The following IL1RAPL1 variants were observed in gnomAD, a reference collection of about 807,000 sequenced individuals.
IL1RAPL1 encodes interleukin 1 receptor accessory protein like 1.
IL1RAPL1 carries 3 observed loss-of-function variants against 48.4 expected under a neutral mutation model. The observed-to-expected ratio is 0.06, with a 90% CI of 0.03 to 0.16. The LOEUF is 0.16. Among genes scored for constraint, IL1RAPL1 ranks in the 10% least tolerant of loss-of-function variants. IL1RAPL1 has a pLI of 1.00. For missense variants in IL1RAPL1, 349 were observed against 530.6 expected (o/e 0.66, Z 3.36); for synonymous variants, 185 against 187.7 (o/e 0.99, Z 0.12).
intron 6 of IL1RAPL1, among the ~76,000 whole-genome samples, chrX:29,852,427 A>G (rs897903180): frequency 1.8e-5 from 2 of 112,143 alleles, no homozygotes; most frequent in Non-Finnish European, 3.8e-5. Context: ...GGCAGCAGAC[A>G]CTGGAATGAT....
chrX:29,251,293 G>C (rs895714898), intron 2 of IL1RAPL1, among the ~76,000 whole-genome samples: 1 of 111,125 alleles, frequency 9.0e-6, no homozygotes, highest in Non-Finnish European at 1.9e-5. Context: ...AGTGTATTTC[G>C]TGTTTAAGGC....
chrX:29,485,628 A>G (rs1415145360), intron 5 of IL1RAPL1, among the ~76,000 whole-genome samples: 2 of 111,459 alleles, frequency 1.8e-5, no homozygotes, highest in Non-Finnish European at 3.8e-5. Context: ...TGGTGTCCAC[A>G]GTCCTTTCAT....
At chrX:29,427,323 A>G (rs1346391315) in intron 5 of IL1RAPL1, among the ~76,000 whole-genome samples, 1 of 112,306 alleles carries the variant, frequency 8.9e-6, no homozygotes, top group East Asian at 2.8e-4. Flanking sequence ...GGTGTGACAA[A>G]CCCTATTGGT....
rs939865725 is a variant in IL1RAPL1, at chrX:29,288,376, G to A, written c.362+5159G>A. The stretch of plus-strand genomic sequence containing the variant: ...CTCCCTATGTTCATGTGTTCTCATC[G>A]TTCAGTTCCTACTTATAAGCGAGAA... On this transcript the variant is annotated intron_variant, in intron 3 of 10. Transcript: ENST00000378993. Among the ~76,000 whole-genome samples the A allele has an allele frequency of 7.2e-5, 8 of 110,869 alleles. No individual in the cohort carries two copies. The South Asian group carries it at 1.9e-3, about 26-fold the overall frequency.
intron 6 of IL1RAPL1, among the ~76,000 whole-genome samples, chrX:29,749,757 G>A (rs1407433022): frequency 8.9e-6 from 1 of 112,044 alleles, no homozygotes; most frequent in Non-Finnish European, 1.9e-5. Flanking sequence ...AACATCATGT[G>A]CTAATATTAA....
intron 1 of IL1RAPL1, among the ~76,000 whole-genome samples, chrX:28,762,794 A>G (rs1299048624): frequency 6.3e-5 from 4 of 63,268 alleles, no homozygotes; most frequent in East Asian, 5.6e-4. Flanking sequence ...GCGCACACAC[A>G]CACACACACA....
chrX:28,894,925 G>T (rs753972135), intron 2 of IL1RAPL1, among the ~76,000 whole-genome samples: 1 of 110,679 alleles, frequency 9.0e-6, no homozygotes, highest in Admixed American at 9.6e-5. Flanking sequence ...TGCCGAGATA[G>T]GTAACAGATG....
chrX:28,639,523 G>A (rs750168951), intron 1 of IL1RAPL1, among the ~76,000 whole-genome samples: 1 of 111,734 alleles, frequency 8.9e-6, no homozygotes, highest in African/African-American at 3.3e-5. Flanking sequence ...TCCTAAAGAC[G>A]GAAAATAAAA....
Position 28,979,834 on chromosome X carries a change from G to A in IL1RAPL1, c.82+190409G>A, listed in dbSNP as rs191827147. ...ATGCAGTATGTTGATTTTTTAAAAA[G>A]CCTATTAAAAATTTCCAAAGATAAA... On this transcript the variant is annotated intron_variant, in intron 2 of 10. Coordinates refer to ENST00000378993, the MANE Select transcript of IL1RAPL1 (RefSeq NM_014271.4). Among the ~76,000 whole-genome samples, 109 of 111,681 alleles carry A rather than the reference G, an allele frequency of 9.8e-4. No homozygotes were observed. The East Asian group carries it at 0.03, about 31-fold the overall frequency.
At chrX:28,647,661 A>G (rs1934629757) in intron 1 of IL1RAPL1, among the ~76,000 whole-genome samples, 1 of 111,897 alleles carries the variant, frequency 8.9e-6, no homozygotes, top group Admixed American at 9.5e-5. Flanking sequence ...TTCATTGCAT[A>G]GTTTTGAATT....
intron 6 of IL1RAPL1, among the ~76,000 whole-genome samples, chrX:29,806,821 G>A (rs756957302): frequency 1.8e-5 from 2 of 111,491 alleles, no homozygotes; most frequent in Admixed American, 1.9e-4. Flanking sequence ...AATCTCCAGT[G>A]TTGGAGGTGG....
intron 5 of IL1RAPL1, among the ~76,000 whole-genome samples, chrX:29,480,291 C>CATACATATATATAT (rs375536384): frequency 2.6e-5 from 2 of 76,572 alleles, no homozygotes; most frequent in African/African-American, 1.2e-4. Context: ...CACACATATA[C>CATACATATATATAT]ATATATATAT....
intron 5 of IL1RAPL1, among the ~76,000 whole-genome samples, chrX:29,605,473 G>A (rs2147064596): frequency 9.1e-6 from 1 of 109,949 alleles, no homozygotes; most frequent in African/African-American, 3.3e-5. Flanking sequence ...TTTTTAATGT[G>A]CTTGTTTGGT....
intron 5 of IL1RAPL1, among the ~76,000 whole-genome samples, chrX:29,569,469 TGA>T (rs1922520443): frequency 9.0e-6 from 1 of 111,329 alleles, no homozygotes. Context: ...TTATATTTTT[TGA>T]GTGTTCGTTT....
intron 2 of IL1RAPL1, among the ~76,000 whole-genome samples, chrX:29,179,986 C>T (rs979238739): frequency 9.1e-5 from 10 of 110,117 alleles, no homozygotes; most frequent in African/African-American, 3.0e-4. Context: ...GTAATCTACT[C>T]GTGAGCACTA....
At chrX:29,803,301 A>ATGTATACACATATGTATACATG (rs201522868) in intron 6 of IL1RAPL1, among the ~76,000 whole-genome samples, 1 of 19,672 alleles carries the variant, frequency 5.1e-5, no homozygotes, top group African/African-American at 2.4e-4. Context: ...ATATGTATAC[A>ATGTATACACATATGTATACATG]TATACACACA....
chrX:28,824,056 A>G (rs1261708671), intron 2 of IL1RAPL1, among the ~76,000 whole-genome samples: 1 of 111,773 alleles, frequency 8.9e-6, no homozygotes, highest in Non-Finnish European at 1.9e-5. Flanking sequence ...ATTGTTTTAC[A>G]AAAGTATGCC....
intron 6 of IL1RAPL1, among the ~76,000 whole-genome samples, chrX:29,850,587 G>A (rs770563036): frequency 3.6e-5 from 4 of 112,484 alleles, no homozygotes; most frequent in East Asian, 2.8e-4. Context: ...GCTGGAGCCC[G>A]TAAGGCTCGG....
chrX:29,562,124 ATCT>A (rs1922250515), intron 5 of IL1RAPL1, among the ~76,000 whole-genome samples: 5 of 46,993 alleles, frequency 1.1e-4, no homozygotes, highest in African/African-American at 2.7e-4. Flanking sequence ...TAATCTATCT[ATCT>A]ATCTATCTAT....
Sources: allele counts gnomAD v4.1 joint callset (sites outside exome capture counted in the v4.1 genomes callset), GRCh38; gene constraint gnomAD v4.1.1; transcripts MANE v1.5; gene names NCBI Gene and HGNC (gene_info 2026-07-23, HGNC 2026-07-21).